HPSE: variants seen among roughly 807,000 people sequenced by gnomAD.
The protein encoded by HPSE is heparanase.
Under a neutral mutation model 65.1 loss-of-function variants are expected in HPSE, and 48 were observed. The observed-to-expected ratio is 0.74, with a 90% CI of 0.58 to 0.94. The LOEUF is 0.94. Among genes scored for constraint, HPSE ranks in the 40% least tolerant of loss-of-function variants. The pLI is 0.00. For synonymous variants in HPSE, 243 were observed against 260.0 expected (o/e 0.93, Z 0.63); for missense variants, 644 against 637.5 (o/e 1.01, Z -0.11).
At chr4:83,296,620 A>G (rs1321618761) in intron 11 of HPSE, among the ~76,000 whole-genome samples, 3 of 151,740 alleles carry the variant, frequency 2.0e-5, no homozygotes, top group Non-Finnish European at 4.4e-5. Flanking sequence ...GGTTGCAGTG[A>G]GCCGAGATTG....
At chr4:83,303,151 C>A (rs1156825442) in intron 9 of HPSE, among the ~76,000 whole-genome samples, 11 of 148,916 alleles carry the variant, frequency 7.4e-5, no homozygotes, top group African/African-American at 2.7e-4. Context: ...CAAAAAAATA[C>A]AATTAAAAAC....
chr4:83,334,891 C>T (rs1330935875), upstream of HPSE: 1 of 1,424,238 alleles, frequency 7.0e-7, no homozygotes, highest in East Asian at 2.6e-5. Flanking sequence ...TTTCCTCCGC[C>T]CCGTTACGCC....
chr4:83,301,120 G>C lies in HPSE; in HGVS notation c.1326-14C>G. ...TTATACCTTGGACTAAAAGCAAAGAGGTTAACTTAATAGAAATATGTATCT... is the reference window on the plus strand; with the variant it reads ...TTATACCTTGGACTAAAAGCAAAGACGTTAACTTAATAGAAATATGTATCT... On this transcript the variant is annotated splice_polypyrimidine_tract_variant and intron_variant, in intron 10 of 11. Transcript: ENST00000311412. 1.3e-6 allele frequency: 2 copies of C among 1,528,960 alleles called. No individual in the cohort carries two copies. The highest frequency in any genetic ancestry group is 2.4e-5 in the South Asian group (2 of 82,718). The allele number at this position is 1,528,960 out of a possible 1,614,324, so 94.7% of individuals were successfully genotyped here.
chr4:83,297,799 G>A (rs1369926032), intron 11 of HPSE, among the ~76,000 whole-genome samples: 2 of 152,304 alleles, frequency 1.3e-5, no homozygotes, highest in Admixed American at 6.5e-5. Flanking sequence ...AGTGAAGGGG[G>A]AAATGCCATG....
chr4:83,306,674 T>C (rs532808071), intron 8 of HPSE, among the ~76,000 whole-genome samples: 40 of 152,340 alleles, frequency 2.6e-4, no homozygotes, highest in African/African-American at 9.4e-4. Flanking sequence ...GGGTGTAGGC[T>C]GAACTAACTT....
chr4:83,324,138 T>TTTTTTTTTA (rs58779629), intron 1 of HPSE, among the ~76,000 whole-genome samples: 1 of 82,090 alleles, frequency 1.2e-5, no homozygotes, highest in Non-Finnish European at 3.1e-5. Context: ...TTTTTTTTTT[T>TTTTTTTTTA]GAGACAGGAT....
At chr4:83,331,771 C>G (rs1281590968) in intron 1 of HPSE, among the ~76,000 whole-genome samples, 2 of 152,186 alleles carry the variant, frequency 1.3e-5, no homozygotes, top group African/African-American at 2.4e-5. Flanking sequence ...TACTGTTACT[C>G]TCATGTGAAT....
chr4:83,296,365 T>C (rs1020819869), intron 11 of HPSE, among the ~76,000 whole-genome samples: 6 of 152,150 alleles, frequency 3.9e-5, no homozygotes, highest in African/African-American at 1.4e-4. Context: ...GTTAGCACTC[T>C]TTAAATATTG....
chr4:83,295,579 CT>C, intron 11 of HPSE, 76 bp from the exon 12 acceptor site: 3 of 1,245,660 alleles, frequency 2.4e-6, no homozygotes, highest in Non-Finnish European at 3.3e-6. Flanking sequence ...GTCATGAAAT[CT>C]TTTTTAGACC....
chr4:83,296,702 C>G (rs1169085232), intron 11 of HPSE, among the ~76,000 whole-genome samples: 1 of 150,098 alleles, frequency 6.7e-6, no homozygotes, highest in Non-Finnish European at 1.5e-5. Context: ...GAAAAGAGAA[C>G]GTATAAGATT....
chr4:83,308,468 A>G (rs903615226), intron 8 of HPSE, among the ~76,000 whole-genome samples: 4 of 152,166 alleles, frequency 2.6e-5, no homozygotes, highest in Non-Finnish European at 5.9e-5. Flanking sequence ...TGCAGCCTCA[A>G]ACTCCTGGGC....
At chr4:83,331,700 G>C (rs1385596925) in intron 1 of HPSE, among the ~76,000 whole-genome samples, 1 of 152,176 alleles carries the variant, frequency 6.6e-6, no homozygotes, top group Admixed American at 6.5e-5. Flanking sequence ...CTAGAACCAC[G>C]CCAGTGACTA....
At position 83,302,257 on chromosome 4, in the gene HPSE, T is replaced by C. The variant is rs754395824; in HGVS notation, c.1218A>G (p.Leu406=). 6 of 1,609,176 alleles carry C rather than the reference T, an allele frequency of 3.7e-6. No individual in the cohort carries two copies. The Admixed American group carries it at 6.7e-5, about 18-fold the overall frequency. ...ENFDPLPDYW[L]SLLFKKLVGT... is the part of the protein sequence containing the mutation. ...CCACCAATTTCTTGAACAGAAGAGA[T>C]AGCCAATAATCCTAGTTGTGGTGGT... The change falls in exon 10 of 12, where the codon CTA becomes CTG. Residue 406 remains leucine (L), a synonymous_variant. Coordinates refer to ENST00000311412, the MANE Select transcript of HPSE (RefSeq NM_001098540.3).
intron 1 of HPSE, among the ~76,000 whole-genome samples, chr4:83,332,655 T>C (rs2126199586): frequency 6.6e-6 from 1 of 152,356 alleles, no homozygotes; most frequent in East Asian, 1.9e-4. Flanking sequence ...AAAGGTATCA[T>C]CCTCACTAAA....
At chr4:83,321,626 A>G (rs1736896482) in intron 2 of HPSE, among the ~76,000 whole-genome samples, 1 of 152,116 alleles carries the variant, frequency 6.6e-6, no homozygotes, top group African/African-American at 2.4e-5. Flanking sequence ...AATTGTTAAG[A>G]TACGATTTAA....
chr4:83,308,540 G>A (rs879567744), intron 8 of HPSE, among the ~76,000 whole-genome samples: 23 of 152,200 alleles, frequency 1.5e-4, no homozygotes, highest in Admixed American at 1.4e-3. Flanking sequence ...TACCATATCC[G>A]GCTATATGCA....
At chr4:83,300,143 CAGGCTTTT>C (rs977370873) in intron 11 of HPSE, among the ~76,000 whole-genome samples, 2 of 152,170 alleles carry the variant, frequency 1.3e-5, no homozygotes, top group African/African-American at 4.8e-5. Context: ...CCATTGAATA[CAGGCTTTT>C]ATAAGATGTA....
At chr4:83,321,865 A>G (rs1736905055) in intron 2 of HPSE, among the ~76,000 whole-genome samples, 1 of 152,064 alleles carries the variant, frequency 6.6e-6, no homozygotes, top group Non-Finnish European at 1.5e-5. Flanking sequence ...TTGGCTAGAA[A>G]TGCTCTTTAG....
At chr4:83,325,770 G>T (rs771411492) in intron 1 of HPSE, among the ~76,000 whole-genome samples, 3 of 152,200 alleles carry the variant, frequency 2.0e-5, no homozygotes, top group Non-Finnish European at 4.4e-5. Flanking sequence ...CAGGGGAAAT[G>T]GTTTCACTGC....
Sources: allele counts gnomAD v4.1 joint callset (sites outside exome capture counted in the v4.1 genomes callset), GRCh38; gene constraint gnomAD v4.1.1; transcripts MANE v1.5; gene names NCBI Gene and HGNC (gene_info 2026-07-23, HGNC 2026-07-21).